Variants in CASP2 observed in about 807,000 individuals in gnomAD.
The protein encoded by CASP2 is caspase 2.
Under a neutral mutation model 54.4 loss-of-function variants are expected in CASP2, and 38 were observed. The observed-to-expected ratio is 0.70, with a 90% CI of 0.54 to 0.92. The LOEUF (loss-of-function observed/expected upper bound fraction) is 0.92, where lower values mean the gene tolerates loss of function less well. CASP2 is among the 40% of genes least tolerant of loss of function. The pLI, the probability that CASP2 is intolerant of heterozygous loss-of-function variation, is 0.00. For missense variants in CASP2, 512 were observed against 579.6 expected (o/e 0.88, Z 1.20); for synonymous variants, 215 against 216.3 (o/e 0.99, Z 0.05).
rs544769345 is a variant in CASP2, at chr7:143,291,840, G to A, written c.225+150G>A. 579 of 647,276 alleles carry A rather than the reference G, an allele frequency of 8.9e-4. 1 individual carries two copies. The highest frequency in any genetic ancestry group is 1.3e-3 in the Non-Finnish European group (508 of 393,654). 40.1% of individuals were successfully genotyped at this position (647,276 alleles called of 1,614,324 possible). A position where few individuals can be genotyped will look rare whatever the true frequency, so the allele number is the denominator to read the frequency against. ...GTCTCCCAGGCTGGAGTACAATGGC[G>A]CGATCTTGGCTCACTGCAGCCTCTG... On this transcript the variant is annotated intron_variant, in intron 2 of 10. Coordinates refer to ENST00000310447, the MANE Select transcript of CASP2 (RefSeq NM_032982.4).
At position 143,300,069 on chromosome 7, in the gene CASP2, G is replaced by GA; in HGVS notation, c.876+20dup. 1 of 1,614,108 alleles carries GA rather than the reference G, an allele frequency of 6.2e-7. No individual in the cohort carries two copies. Among genetic ancestry groups the GA allele is most frequent in the Admixed American group, 1.7e-5 (1 of 60,012 alleles). ...TGCTCCAGGTGCGGATACCCTGGTG[G>GA]AAGCCAACTGTTGAAACCAGGCTGC... is the stretch of plus-strand genomic sequence containing the variant. On this transcript the variant is annotated intron_variant, in intron 7 of 10. Coordinates refer to ENST00000310447, the MANE Select transcript of CASP2 (RefSeq NM_032982.4).
chr7:143,300,763 TTTC>T (rs1801894026), intron 8 of CASP2: 9 of 1,186,616 alleles, frequency 7.6e-6, no homozygotes, highest in Non-Finnish European at 8.5e-6. Context: ...TCCTTTCTTC[TTTC>T]TTCTTACCAT....
chr7:143,292,302 C>T lies in CASP2; in HGVS notation c.228C>T (p.Ala76=). The T allele has an allele frequency of 6.2e-7, 1 of 1,614,026 alleles. No homozygotes were observed. Among genetic ancestry groups the T allele is most frequent in the African/African-American group, 1.3e-5 (1 of 74,978 alleles). The change falls in exon 3 of 11, where the codon GCC becomes GCT. Residue 76 remains alanine, a splice_region_variant and synonymous_variant. Transcript: ENST00000310447. ...ITLEMRELIQ[A]KVGSFSQNVE... is the part of the protein sequence containing the mutation. ...CATGTTTTATTCTTGTGTCTTAGGC[C>T]AAAGTGGGCAGTTTCAGCCAGAATG...
At chr7:143,303,132 A>C (rs1170488283) in intron 8 of CASP2, 1 of 152,034 alleles carries the variant, frequency 6.6e-6, no homozygotes, top group East Asian at 1.9e-4. Flanking sequence ...TTAAAAAGTT[A>C]TTTTAAAAAA....
Position 143,305,669 on chromosome 7 carries a change from C to CT in CASP2, c.*599dup. 3 of 166,088 alleles carry CT rather than the reference C, an allele frequency of 1.8e-5. No individual in the cohort carries two copies. Among genetic ancestry groups the CT allele is most frequent in the Non-Finnish European group, 4.0e-5 (3 of 74,906 alleles). 10.3% of individuals were successfully genotyped at this position (166,088 alleles called of 1,614,324 possible). A position where few individuals can be genotyped will look rare whatever the true frequency, so the allele number is the denominator to read the frequency against. On this transcript the variant is annotated 3_prime_UTR_variant, in exon 11 of 11. Transcript: ENST00000310447. ...TGCAGCGCCACCCAGTGGAAGGACACTCTTGGCTCGTTTGGGCTCAAGGCA... is the reference window on the plus strand; with the variant it reads ...TGCAGCGCCACCCAGTGGAAGGACACTTCTTGGCTCGTTTGGGCTCAAGGCA...
At position 143,307,329 on chromosome 7, in the gene CASP2, A is replaced by G. The variant is rs1454293298; in HGVS notation, c.*2258A>G. ...GTTGAATAAAAGAGGGAAGAAGGCAAGCCAACCTTAGCTACAATCCTACCT... is the reference window on the plus strand; with the variant it reads ...GTTGAATAAAAGAGGGAAGAAGGCAGGCCAACCTTAGCTACAATCCTACCT... On this transcript the variant is annotated 3_prime_UTR_variant, in exon 11 of 11. Transcript: ENST00000310447. 1 of 152,258 alleles carries G rather than the reference A, an allele frequency of 6.6e-6. No homozygotes were observed. The highest frequency in any genetic ancestry group is 1.9e-4 in the East Asian group (1 of 5,192). 9.4% of individuals were successfully genotyped at this position (152,258 alleles called of 1,614,324 possible).
At chr7:143,289,910 T>C (rs1351537847) in intron 1 of CASP2, among the ~76,000 whole-genome samples, 1 of 152,126 alleles carries the variant, frequency 6.6e-6, no homozygotes, top group Non-Finnish European at 1.5e-5. Context: ...CCACCTGCTA[T>C]CTTAGTTCTC....
chr7:143,299,522 A>C lies in CASP2; in HGVS notation c.748-401A>C, dbSNP rs115296452. On this transcript the variant is annotated intron_variant, in intron 6 of 10. Coordinates refer to ENST00000310447, the MANE Select transcript of CASP2 (RefSeq NM_032982.4). ...TTTATTTTCGTGTAGCTGAATGTGC[A>C]TGTTACTTATTCATAGCTACACTTT... Among the ~76,000 whole-genome samples the C allele has an allele frequency of 6.3e-3, 958 of 152,340 alleles. 12 individuals carry two copies. Among genetic ancestry groups the C allele is most frequent in the African/African-American group, 0.022 (916 of 41,578 alleles).
chr7:143,288,371 AG>A lies in CASP2; in HGVS notation c.-81del. The A allele has an allele frequency of 7.3e-7, 1 of 1,366,828 alleles. No individual in the cohort carries two copies. Among genetic ancestry groups the A allele is most frequent in the Non-Finnish European group, 1.0e-6 (1 of 970,990 alleles). 84.7% of individuals were successfully genotyped at this position (1,366,828 alleles called of 1,614,324 possible). A position where few individuals can be genotyped will look rare whatever the true frequency, so the allele number is the denominator to read the frequency against. On this transcript the variant is annotated 5_prime_UTR_variant, in exon 1 of 11. Coordinates refer to ENST00000310447, the MANE Select transcript of CASP2 (RefSeq NM_032982.4). Reference sequence around the variant, plus strand: ...CAGGCGCAGTGTGCGTCCGCGTCTGAGGGGAGGGATGTGGGGGAAGCGACGG... The same window carrying A: ...CAGGCGCAGTGTGCGTCCGCGTCTGAGGGAGGGATGTGGGGGAAGCGACGG...
In CASP2 at chr7:143,307,599, T is replaced by A. The variant is rs895975168; in HGVS notation, c.*2528T>A. The stretch of plus-strand genomic sequence containing the variant: ...GCCAAGTCCTGCCTTTGGGTCGACA[T>A]AGTATGGAAGTATTTGAGAGAGAGA... On this transcript the variant is annotated 3_prime_UTR_variant, in exon 11 of 11. Coordinates refer to ENST00000310447, the MANE Select transcript of CASP2 (RefSeq NM_032982.4). 2.0e-5 allele frequency: 3 copies of A among 152,150 alleles called. No individual in the cohort carries two copies. Among genetic ancestry groups the A allele is most frequent in the African/African-American group, 7.2e-5 (3 of 41,418 alleles). The allele number at this position is 152,150 out of a possible 1,614,324, so 9.4% of individuals were successfully genotyped here.
intron 4 of CASP2, chr7:143,293,114 G>GTTTTTTTTTTTTTTTTTTTTTTTTT (rs11287848): frequency 4.0e-6 from 2 of 500,158 alleles, no homozygotes; most frequent in Non-Finnish European, 3.4e-6. Flanking sequence ...CCTTTTTTTT[G>GTTTTTTTTTTTTTTTTTTTTTTTTT]TTTTTTTTTT....
rs554934758 is a variant in CASP2 at position 143,288,591 on chromosome 7, A to G, written c.74+62A>G. On this transcript the variant is annotated intron_variant, in intron 1 of 10. Transcript: ENST00000310447. ...CCCAGGGAAGGGGAGCGTGGCCCCC[A>G]GGCGTGCGGCCCTGCAGCCCCCTCC... is the stretch of plus-strand genomic sequence containing the variant. 8 of 1,446,444 alleles carry G rather than the reference A, an allele frequency of 5.5e-6. No individual in the cohort carries two copies. In the African/African-American group the frequency reaches 9.9e-5, roughly 18 times the overall value. 89.6% of individuals were successfully genotyped at this position (1,446,444 alleles called of 1,614,324 possible). A position where few individuals can be genotyped will look rare whatever the true frequency, so the allele number is the denominator to read the frequency against.
At chr7:143,299,452 A>G (rs552725913) in intron 6 of CASP2, among the ~76,000 whole-genome samples, 1 of 152,354 alleles carries the variant, frequency 6.6e-6, no homozygotes, top group South Asian at 2.1e-4. Flanking sequence ...AAGACAACAT[A>G]CAAGTATTGC....
chr7:143,290,175 C>T (rs1229576424), intron 1 of CASP2, among the ~76,000 whole-genome samples: 1 of 148,016 alleles, frequency 6.8e-6, no homozygotes, highest in Non-Finnish European at 1.5e-5. Context: ...ATTCTCCTGT[C>T]TCAGCCTCCC....
intron 6 of CASP2, among the ~76,000 whole-genome samples, chr7:143,297,442 T>C (rs952980600): frequency 7.2e-5 from 11 of 152,284 alleles, no homozygotes; most frequent in African/African-American, 2.2e-4. Flanking sequence ...TATATAATTT[T>C]TGTTTTCTTT....
In CASP2 at chr7:143,299,992, G is replaced by A; in HGVS notation, c.817G>A (p.Ala273Thr). Residue 273 changes from alanine to threonine, a missense_variant, in exon 7 of 11, where the codon GCA (alanine) becomes ACA (threonine). By Grantham distance (58) the Ala-to-Thr change is moderately conservative (BLOSUM62 0). Transcript: ENST00000310447. ...CCGAGTCACGGACTCCTGCATCGTG[G>A]CACTCCTCTCGCATGGTGTGGAGGG... ...AHRVTDSCIV[A>T]LLSHGVEGAI... 1.2e-6 allele frequency: 2 copies of A among 1,614,118 alleles called. No homozygotes were observed. The highest frequency in any genetic ancestry group is 1.7e-6 in the Non-Finnish European group (2 of 1,180,016).
rs1424854289 is a variant in CASP2, at chr7:143,300,143, T to C, written c.877-61T>C. The C allele has an allele frequency of 1.9e-6, 3 of 1,611,164 alleles. No homozygotes were observed. In the Admixed American group the frequency reaches 5.0e-5, roughly 27 times the overall value. ...CAAGTGATGGCTACTGTTGCATGTG[T>C]AGGACTTAGGAGGCCCCGCTGAATG... On this transcript the variant is annotated intron_variant, in intron 7 of 10. Coordinates refer to ENST00000310447, the MANE Select transcript of CASP2 (RefSeq NM_032982.4).
At chr7:143,288,634 G>A (rs541483829) in intron 1 of CASP2, 105 bp downstream of exon 1, 3 of 1,093,300 alleles carry the variant, frequency 2.7e-6, no homozygotes, top group South Asian at 2.8e-5. Context: ...GCCCCGGAAA[G>A]CAGCCGTGTC....
Position 143,288,468 on chromosome 7 carries a change from AG to A in CASP2, c.14del (p.Ser5ThrfsTer13). Reference sequence around the variant, plus strand: ...GGAAAAGCGGGAAATGGCGGCGCCGAGCGCGGGGTCTTGGTCCACCTTCCAG... The same window carrying A: ...GGAAAAGCGGGAAATGGCGGCGCCGACGCGGGGTCTTGGTCCACCTTCCAG... MAAPSAGSWSTFQHK... is the reference protein window; with the variant it reads MAAPXAGSWSTFQHK... On this transcript the variant is annotated frameshift_variant, in exon 1 of 11. Coordinates refer to ENST00000310447, the MANE Select transcript of CASP2 (RefSeq NM_032982.4). LOFTEE classifies it high-confidence loss of function. 6.2e-7 allele frequency: 1 copy of A among 1,613,054 alleles called. No individual in the cohort carries two copies. The highest frequency in any genetic ancestry group is 1.1e-5 in the South Asian group (1 of 91,056).
Sources: gnomAD v4.1 joint callset for allele counts (sites outside exome capture counted in the v4.1 genomes callset) on GRCh38, gnomAD v4.1.1 for gene constraint, MANE v1.5 for transcripts, NCBI Gene and HGNC (gene_info 2026-07-23, HGNC 2026-07-21) for gene names.